The following ARHGEF11 variants were observed in gnomAD, a reference collection of about 807,000 sequenced individuals.
ARHGEF11 encodes the protein Rho guanine nucleotide exchange factor 11.
A neutral mutation model predicts 193.7 loss-of-function variants in ARHGEF11; 55 were observed. The observed-to-expected ratio is 0.28, with a 90% CI of 0.23 to 0.36. ARHGEF11 has a LOEUF of 0.36. ARHGEF11 is among the 10% of genes least tolerant of loss of function. The probability of loss-of-function intolerance (pLI) is 1.00; values close to 1 mark genes in which losing one functional copy is unlikely to be tolerated. For synonymous variants in ARHGEF11, 693 were observed against 768.0 expected (o/e 0.90, Z 1.62); for missense variants, 1,723 against 2,005.6 (o/e 0.86, Z 2.69).
chr1:156,944,535 G>T, intron 30 of ARHGEF11, 102 bp from the exon 31 acceptor site: 1 of 1,286,072 alleles, frequency 7.8e-7, no homozygotes, highest in Non-Finnish European at 1.1e-6. Flanking sequence ...GCTGGGAATT[G>T]GTAAATAAGA....
intron 30 of ARHGEF11, 66 bp downstream of exon 30, chr1:156,944,953 A>AGG: frequency 1.3e-6 from 2 of 1,560,902 alleles, no homozygotes; most frequent in Non-Finnish European, 1.7e-6. Context: ...AGCCCTGACC[A>AGG]GTGTTCTGCT....
At chr1:157,036,196 A>AATACATATATGAAT (rs1557991992) in intron 1 of ARHGEF11, among the ~76,000 whole-genome samples, 1 of 132,298 alleles carries the variant, frequency 7.6e-6, no homozygotes, top group Admixed American at 7.7e-5. Flanking sequence ...TACATATATG[A>AATACATATATGAAT]ATATATATAC....
intron 6 of ARHGEF11, among the ~76,000 whole-genome samples, chr1:156,977,881 C>T (rs1663481944): frequency 6.6e-6 from 1 of 152,154 alleles, no homozygotes; most frequent in Non-Finnish European, 1.5e-5. Context: ...TGCATTCTGC[C>T]CCTGCCTGAA....
At chr1:156,942,608 C>T (rs1657257356) in intron 33 of ARHGEF11, 82 bp downstream of exon 33, 1 of 1,315,230 alleles carries the variant, frequency 7.6e-7, no homozygotes, top group Admixed American at 1.8e-5. Context: ...CCAAACCTGG[C>T]CTTGCTACCC....
At chr1:156,938,672 G>C in intron 37 of ARHGEF11, 159 bp from the exon 38 acceptor site, 3 of 595,994 alleles carry the variant, frequency 5.0e-6, no homozygotes. Context: ...TGACATCCCA[G>C]GCAGTGCAGA....
At chr1:156,942,630 A>G in intron 33 of ARHGEF11, 60 bp downstream of exon 33, 2 of 1,527,090 alleles carry the variant, frequency 1.3e-6, no homozygotes, top group Non-Finnish European at 9.0e-7. Flanking sequence ...CTGTCCTCAT[A>G]AACACCACCC....
chr1:156,992,272 A>T (rs756704147), intron 1 of ARHGEF11, among the ~76,000 whole-genome samples: 4 of 152,140 alleles, frequency 2.6e-5, no homozygotes, highest in African/African-American at 9.7e-5. Flanking sequence ...TTCACTTACA[A>T]TATCTGTAGA....
chr1:156,956,880 A>G (rs1660033360), intron 18 of ARHGEF11, among the ~76,000 whole-genome samples: 1 of 152,132 alleles, frequency 6.6e-6, no homozygotes, highest in South Asian at 2.1e-4. Flanking sequence ...AATTCCCTAA[A>G]ATGTAAGTAA....
rs1027334186 is a variant in ARHGEF11, at chr1:156,948,099, C to A, written c.2153+82G>T. The A allele has an allele frequency of 2.6e-6, 4 of 1,538,234 alleles. No homozygotes were observed. The highest frequency in any genetic ancestry group is 3.5e-6 in the Non-Finnish European group (4 of 1,137,678). On this transcript the variant is annotated intron_variant, in intron 24 of 40. Coordinates refer to ENST00000368194, the MANE Select transcript of ARHGEF11 (RefSeq NM_198236.3). This position sits in a 1 kb window ranked among gnomAD's most constrained non-coding sequence, Gnocchi z 4.2. ...GAAGAGGAGACAGCCACCCAACCAG[C>A]CCCTTGCAGGTGAGAGGAGCAGCTG...
chr1:156,965,288 C>T (rs1230438794), intron 11 of ARHGEF11, among the ~76,000 whole-genome samples: 2 of 152,128 alleles, frequency 1.3e-5, no homozygotes, highest in Non-Finnish European at 1.5e-5. Context: ...ACGCCTGAAC[C>T]CCTTAGCAAA....
At chr1:156,991,707 C>CTTTTTTTTTTTT (rs1208007433) in intron 1 of ARHGEF11, among the ~76,000 whole-genome samples, 4 of 107,524 alleles carry the variant, frequency 3.7e-5, no homozygotes, top group African/African-American at 1.5e-4. Flanking sequence ...TTTTTTCAAG[C>CTTTTTTTTTTTT]TTATTTTTTT....
At chr1:157,042,705 T>C (rs536333945) in intron 1 of ARHGEF11, among the ~76,000 whole-genome samples, 2 of 151,986 alleles carry the variant, frequency 1.3e-5, no homozygotes, top group South Asian at 4.2e-4. Context: ...CCCCCAGGAG[T>C]GTCTCACATC....
chr1:157,022,856 T>C (rs1259851348), intron 1 of ARHGEF11, among the ~76,000 whole-genome samples: 1 of 152,216 alleles, frequency 6.6e-6, no homozygotes, highest in East Asian at 1.9e-4. Context: ...ATCACATTTA[T>C]GGGTCCACTG....
chr1:157,020,144 AAG>A lies in ARHGEF11; in HGVS notation c.32+24153_32+24154del, dbSNP rs199833401. On this transcript the variant is annotated intron_variant, in intron 1 of 40. Coordinates refer to ENST00000368194, the MANE Select transcript of ARHGEF11 (RefSeq NM_198236.3). ...GTCTCAGAAAAAAAAAAAAAAGAAGAAGAGAGAGACGGATTACAAAGGAACAT... is the reference window on the plus strand; with the variant it reads ...GTCTCAGAAAAAAAAAAAAAAGAAGAAGAGAGACGGATTACAAAGGAACAT... Among the ~76,000 whole-genome samples the A allele has an allele frequency of 6.0e-3, 901 of 150,726 alleles. 9 individuals are homozygous for A. Among genetic ancestry groups the A allele is most frequent in the African/African-American group, 0.021 (858 of 41,066 alleles).
At chr1:156,974,828 G>C (rs1251520203) in intron 7 of ARHGEF11, among the ~76,000 whole-genome samples, 1 of 152,160 alleles carries the variant, frequency 6.6e-6, no homozygotes, top group African/African-American at 2.4e-5. Flanking sequence ...CCATGTTGTA[G>C]CATTTATTAG....
At chr1:157,035,843 A>AC (rs1671889961) in intron 1 of ARHGEF11, among the ~76,000 whole-genome samples, 1 of 130,342 alleles carries the variant, frequency 7.7e-6, no homozygotes, top group Non-Finnish European at 1.7e-5. Context: ...GAATATATAT[A>AC]TGTATATATT....
chr1:156,947,253 G>A, intron 26 of ARHGEF11, 51 bp downstream of exon 26: 1 of 1,561,984 alleles, frequency 6.4e-7, no homozygotes, highest in Non-Finnish European at 8.6e-7. Flanking sequence ...AAGTGGAACA[G>A]GAAGCTGAAG....
chr1:156,941,320 C>G (rs369792335), intron 35 of ARHGEF11, 52 bp downstream of exon 35: 2 of 1,585,998 alleles, frequency 1.3e-6, no homozygotes, highest in African/African-American at 1.3e-5. Flanking sequence ...CCAACCTGTG[C>G]CTACAGAAAA....
intron 3 of ARHGEF11, 34 bp from the exon 4 acceptor site, chr1:156,980,520 CA>C: frequency 1.3e-6 from 2 of 1,570,392 alleles, no homozygotes; most frequent in South Asian, 1.2e-5. Flanking sequence ...CAGTGCCCAA[CA>C]ACCTCTTCCA....
Sources: allele counts gnomAD v4.1 joint callset (sites outside exome capture counted in the v4.1 genomes callset), GRCh38; gene constraint gnomAD v4.1.1; non-coding constraint Gnocchi (gnomAD v3.1); transcripts MANE v1.5; gene names NCBI Gene and HGNC (gene_info 2026-07-23, HGNC 2026-07-21).